PRICKLE2: variants seen among roughly 807,000 people sequenced by gnomAD.
PRICKLE2 encodes prickle planar cell polarity protein 2, also known as prickle-like protein 2.
Under a neutral mutation model 81.4 loss-of-function variants are expected in PRICKLE2, and 21 were observed. The ratio of observed to expected loss-of-function variants is 0.26; its 90% CI spans 0.18 to 0.37. The LOEUF (loss-of-function observed/expected upper bound fraction) is 0.37. Ranked by LOEUF, PRICKLE2 falls within the 10% of genes least tolerant of loss-of-function variation. The pLI is 1.00. For missense variants in PRICKLE2, 940 were observed against 1,109.0 expected (o/e 0.85, Z 2.16); for synonymous variants, 456 against 421.5 (o/e 1.08, Z -1.00).
chr3:64,227,863 A>C (rs186300411), upstream of PRICKLE2, among the ~76,000 whole-genome samples: 1 of 152,352 alleles, frequency 6.6e-6, no homozygotes, highest in Admixed American at 6.5e-5. Context: ...TAGTTAAGTA[A>C]CCAGTTAAAA....
chr3:64,096,894 CCT>C lies in PRICKLE2; in HGVS notation c.*2155_*2156del, dbSNP rs1333951541. ...CTAAGATAAGTGATCTACTTTTCCC[CCT>C]CTCTTTTTCCAAAATTGCCTTTTTA... On this transcript the variant is annotated 3_prime_UTR_variant, in exon 8 of 8. Coordinates refer to ENST00000638394, the MANE Select transcript of PRICKLE2 (RefSeq NM_198859.4). 1 of 152,568 alleles carries C rather than the reference CCT, an allele frequency of 6.6e-6. No individual in the cohort carries two copies. Among genetic ancestry groups the C allele is most frequent in the Non-Finnish European group, 1.5e-5 (1 of 68,030 alleles). 9.5% of individuals were successfully genotyped at this position (152,568 alleles called of 1,614,324 possible).
At position 64,240,114 on chromosome 3, in the gene PRICKLE2, G is replaced by A. The variant is rs968742635; in HGVS notation, c.129-41147C>T. Among the ~76,000 whole-genome samples the A allele has an allele frequency of 3.9e-5, 6 of 152,220 alleles. No individual in the cohort carries two copies. In the South Asian group the frequency reaches 1.2e-3, roughly 32 times the overall value. On this transcript the variant is annotated intron_variant, in intron 2 of 8. Coordinates refer to the PRICKLE2 transcript ENST00000295902. Reference sequence around the variant, plus strand: ...CTCCAGCCTGTGCGACAGAGACCCTGTCTCAAAAAATAAATAAAATTTTCA... The same window carrying A: ...CTCCAGCCTGTGCGACAGAGACCCTATCTCAAAAAATAAATAAAATTTTCA...
At chr3:64,163,467 AT>A in intron 2 of PRICKLE2, 1 of 373,496 alleles carries the variant, frequency 2.7e-6, no homozygotes, top group Non-Finnish European at 5.1e-6. Flanking sequence ...TGGCTTTACC[AT>A]TTTCTCTGTT....
At chr3:64,165,963 G>GGT (rs67554015) in intron 2 of PRICKLE2, among the ~76,000 whole-genome samples, 2,099 of 61,664 alleles carry the variant, frequency 0.034, 18 homozygotes, top group Middle Eastern at 0.073. Context: ...CTGTTATAAA[G>GGT]GTGTGTGTGT....
chr3:64,112,505 A>C (rs1575549120), intron 7 of PRICKLE2, among the ~76,000 whole-genome samples: 1 of 152,332 alleles, frequency 6.6e-6, no homozygotes, highest in Non-Finnish European at 1.5e-5. Flanking sequence ...AGATGGAATA[A>C]TTTTTAAATG....
In PRICKLE2 at chr3:64,153,756, A is replaced by G. The variant is rs2077582499; in HGVS notation, c.601-388T>C. 1.2e-5 allele frequency: 3 copies of G among 248,226 alleles called. No individual in the cohort carries two copies. In the South Asian group the frequency reaches 1.6e-4, roughly 13 times the overall value. 15.4% of individuals were successfully genotyped at this position (248,226 alleles called of 1,614,324 possible). A position where few individuals can be genotyped will look rare whatever the true frequency, so the allele number is the denominator to read the frequency against. On this transcript the variant is annotated intron_variant, in intron 5 of 7. Transcript: ENST00000638394. ...GGAAAATATCATATTAACACTTGTAATCCTGGTTTATCTTTTGAAAACACA... is the reference window on the plus strand; with the variant it reads ...GGAAAATATCATATTAACACTTGTAGTCCTGGTTTATCTTTTGAAAACACA...
At chr3:64,243,835 G>C (rs1195775191) in intron 2 of PRICKLE2, among the ~76,000 whole-genome samples, 1 of 152,176 alleles carries the variant, frequency 6.6e-6, no homozygotes, top group Non-Finnish European at 1.5e-5. Context: ...TTAGGACCCA[G>C]TCTACTTGTC....
intron 1 of PRICKLE2, among the ~76,000 whole-genome samples, chr3:64,218,796 T>G (rs1313301298): frequency 2.6e-5 from 4 of 152,166 alleles, no homozygotes; most frequent in African/African-American, 9.7e-5. Context: ...TCTATGCCTA[T>G]TATAAAGGTA....
chr3:64,182,377 C>A (rs927451717), intron 2 of PRICKLE2, among the ~76,000 whole-genome samples: 2 of 151,358 alleles, frequency 1.3e-5, no homozygotes, highest in African/African-American at 4.9e-5. Context: ...GTCCCAGTTA[C>A]CTGGGAGGCT....
chr3:64,258,889 G>T lies in PRICKLE2; in HGVS notation c.129-59922C>A, dbSNP rs77459562. On this transcript the variant is annotated intron_variant, in intron 2 of 8. Coordinates refer to the PRICKLE2 transcript ENST00000295902. Reference sequence around the variant, plus strand: ...AGAAAGAAAGAAAGAAAGAAAGAAAGAAAGAAATCAGGAGAGTGGTTAGAA... The same window carrying T: ...AGAAAGAAAGAAAGAAAGAAAGAAATAAAGAAATCAGGAGAGTGGTTAGAA... Among the ~76,000 whole-genome samples, 1,312 of 141,542 alleles carry T rather than the reference G, an allele frequency of 9.3e-3. 12 individuals carry two copies. The highest frequency in any genetic ancestry group is 0.011 in the African/African-American group (394 of 35,490). 92.9% of individuals were successfully genotyped at this position (141,542 alleles called of 152,430 possible). A position where few individuals can be genotyped will look rare whatever the true frequency, so the allele number is the denominator to read the frequency against.
intron 2 of PRICKLE2, among the ~76,000 whole-genome samples, chr3:64,171,718 A>G (rs1408528962): frequency 6.6e-6 from 1 of 152,274 alleles, no homozygotes; most frequent in Admixed American, 6.5e-5. Flanking sequence ...AGAATAAACA[A>G]GCGAGATTTC....
chr3:64,231,470 TAGG>T (rs368758952), intron 2 of PRICKLE2, among the ~76,000 whole-genome samples: 119 of 152,316 alleles, frequency 7.8e-4, no homozygotes, highest in African/African-American at 2.7e-3. Flanking sequence ...TGTAAAGGAC[TAGG>T]AGAACAACAA....
intron 2 of PRICKLE2, among the ~76,000 whole-genome samples, chr3:64,266,588 C>T (rs2079713092): frequency 6.6e-6 from 1 of 152,152 alleles, no homozygotes; most frequent in African/African-American, 2.4e-5. Flanking sequence ...TCACTTGACA[C>T]CTTTATCTGA....
At position 64,142,777 on chromosome 3, in the gene PRICKLE2, C is replaced by T. The variant is rs138313156; in HGVS notation, c.1660+4053G>A. 8.1e-3 allele frequency among the ~76,000 whole-genome samples: 1,236 copies of T among 152,242 alleles called. 12 individuals are homozygous for T. The highest frequency in any genetic ancestry group is 0.013 in the Non-Finnish European group (912 of 68,012). On this transcript the variant is annotated intron_variant, in intron 7 of 7. Coordinates refer to ENST00000638394, the MANE Select transcript of PRICKLE2 (RefSeq NM_198859.4). ...AACCATTATAGAAGGTCATATGTGTCAAAGACTATATTAATGATTTTAAAC... is the reference window on the plus strand; with the variant it reads ...AACCATTATAGAAGGTCATATGTGTTAAAGACTATATTAATGATTTTAAAC...
At chr3:64,210,526 T>G (rs1468316651) in intron 1 of PRICKLE2, among the ~76,000 whole-genome samples, 1 of 152,178 alleles carries the variant, frequency 6.6e-6, no homozygotes, top group Non-Finnish European at 1.5e-5. Context: ...ACTCCCTCCC[T>G]TCCGGCTGGG....
intron 2 of PRICKLE2, among the ~76,000 whole-genome samples, chr3:64,192,603 T>A (rs2078363428): frequency 6.6e-6 from 1 of 152,162 alleles, no homozygotes; most frequent in Non-Finnish European, 1.5e-5. Flanking sequence ...TTTTACAGCT[T>A]TACAAGGCTC....
At chr3:64,159,489 C>T (rs62249933) in intron 4 of PRICKLE2, among the ~76,000 whole-genome samples, 51,682 of 152,104 alleles carry the variant, frequency 0.34, 9,106 homozygotes, top group Non-Finnish European at 0.39. Flanking sequence ...TCCCTCTGCC[C>T]CAGCCCATTG....
intron 2 of PRICKLE2, among the ~76,000 whole-genome samples, chr3:64,196,924 T>C (rs1011022918): frequency 6.6e-6 from 1 of 152,196 alleles, no homozygotes; most frequent in East Asian, 1.9e-4. Flanking sequence ...AACTTTTACA[T>C]GAAAAAATCT....
At chr3:64,235,269 G>A (rs2079163287) in intron 2 of PRICKLE2, among the ~76,000 whole-genome samples, 1 of 152,018 alleles carries the variant, frequency 6.6e-6, no homozygotes, top group Non-Finnish European at 1.5e-5. Flanking sequence ...TACTTGATGA[G>A]ATGCTGTCAT....
Sources: gnomAD v4.1 joint callset for allele counts (sites outside exome capture counted in the v4.1 genomes callset) on GRCh38, gnomAD v4.1.1 for gene constraint, MANE v1.5 for transcripts, NCBI Gene and HGNC (gene_info 2026-07-23, HGNC 2026-07-21) for gene names.